The following TENM4 variants were observed in gnomAD, a reference collection of about 807,000 sequenced individuals.
TENM4 encodes the protein teneurin transmembrane protein 4.
TENM4 carries 82 observed loss-of-function variants against 243.3 expected under a neutral mutation model. The ratio of observed to expected loss-of-function variants is 0.34; its 90% CI spans 0.28 to 0.40. The LOEUF (loss-of-function observed/expected upper bound fraction) is 0.40, where lower values mean the gene tolerates loss of function less well. TENM4 is among the 10% of genes least tolerant of loss of function. TENM4 has a pLI of 1.00. For missense variants in TENM4, 3,138 were observed against 3,673.3 expected, an observed-to-expected ratio of 0.85 and a Z score of 3.77; for synonymous variants, 1,412 against 1,456.3, an observed-to-expected ratio of 0.97 and a Z score of 0.69.
rs113268490 is a variant in TENM4, at chr11:78,809,487, A to G, written c.1978+2635T>C. On this transcript the variant is annotated intron_variant, in intron 14 of 33. Coordinates refer to ENST00000278550, the MANE Select transcript of TENM4 (RefSeq NM_001098816.3). ...ATGCCACAATGATGCTCTGCCAAAG[A>G]GGTGGTAGGTAGACTCTGCCTCTGC... 1.4e-4 allele frequency among the ~76,000 whole-genome samples: 21 copies of G among 152,196 alleles called. 1 individual carries two copies. Among genetic ancestry groups the G allele is most frequent in the Admixed American group, 1.3e-3 (20 of 15,290 alleles).
chr11:78,992,395 C>T (rs569491723), intron 6 of TENM4, among the ~76,000 whole-genome samples: 4 of 152,350 alleles, frequency 2.6e-5, no homozygotes, highest in African/African-American at 7.2e-5. Context: ...CCTAGTATTG[C>T]CTTCTCTCTT....
intron 2 of TENM4, among the ~76,000 whole-genome samples, chr11:79,264,770 G>A (rs534178042): frequency 8.3e-4 from 126 of 152,282 alleles, no homozygotes; most frequent in African/African-American, 2.9e-3. Context: ...CAGAATCTCC[G>A]ACGGTGGGGT....
intron 4 of TENM4, among the ~76,000 whole-genome samples, chr11:79,125,341 G>A (rs1861852553): frequency 1.3e-5 from 2 of 152,104 alleles, no homozygotes; most frequent in Admixed American, 6.5e-5. Flanking sequence ...CCATCTCCTG[G>A]CTTCAGAAGC....
chr11:79,141,959 A>G (rs1238951089), intron 4 of TENM4, among the ~76,000 whole-genome samples: 2 of 152,088 alleles, frequency 1.3e-5, no homozygotes, highest in Non-Finnish European at 2.9e-5. Flanking sequence ...TAAAAATTCT[A>G]AAAAACTTGG....
At position 79,233,653 on chromosome 11, in the gene TENM4, G is replaced by A. The variant is rs575802933; in HGVS notation, c.-264-17744C>T. Among the ~76,000 whole-genome samples the A allele has an allele frequency of 3.5e-3, 536 of 152,246 alleles. 3 individuals are homozygous for A. Among genetic ancestry groups the A allele is most frequent in the Non-Finnish European group, 5.9e-3 (400 of 68,010 alleles). On this transcript the variant is annotated intron_variant, in intron 2 of 33. Transcript: ENST00000278550. ...TCATATTGGTGGGGCAAGGCGGGGG[G>A]CTGTGAATGGGGAGAGGAGATCGCC...
At chr11:78,923,463 T>C in intron 6 of TENM4, among the ~76,000 whole-genome samples, 1 of 152,110 alleles carries the variant, frequency 6.6e-6, no homozygotes. Context: ...AATGAGCAGG[T>C]GACCCAGTTC....
At chr11:79,061,406 T>C (rs1378528953) in intron 6 of TENM4, among the ~76,000 whole-genome samples, 2 of 152,198 alleles carry the variant, frequency 1.3e-5, no homozygotes, top group African/African-American at 4.8e-5. Flanking sequence ...CCCACCCGTC[T>C]ACCCTGAGTA....
chr11:78,839,632 A>G (rs1858205011), intron 12 of TENM4, among the ~76,000 whole-genome samples: 2 of 152,088 alleles, frequency 1.3e-5, no homozygotes, highest in African/African-American at 4.8e-5. Flanking sequence ...GTCATATCTT[A>G]TCTTGGACAA....
intron 1 of TENM4, among the ~76,000 whole-genome samples, chr11:79,299,971 G>A (rs765728938): frequency 1.3e-5 from 2 of 152,096 alleles, no homozygotes; most frequent in Non-Finnish European, 1.5e-5. Flanking sequence ...TACAAACTAC[G>A]CAGAAACAGG....
intron 6 of TENM4, among the ~76,000 whole-genome samples, chr11:79,059,736 C>T (rs1860038942): frequency 6.6e-6 from 1 of 152,154 alleles, no homozygotes; most frequent in Admixed American, 6.5e-5. Context: ...ACCCATTAAA[C>T]AATAACTCCC....
chr11:78,758,762 A>T (rs1421923061), intron 18 of TENM4, among the ~76,000 whole-genome samples: 1 of 152,142 alleles, frequency 6.6e-6, no homozygotes, highest in East Asian at 1.9e-4. Context: ...GGTGCCCAGA[A>T]GCTTATAGTC....
At chr11:79,267,233 C>G (rs551886694) in intron 2 of TENM4, among the ~76,000 whole-genome samples, 12 of 152,274 alleles carry the variant, frequency 7.9e-5, no homozygotes, top group African/African-American at 2.6e-4. Flanking sequence ...CACCAGAGTC[C>G]AGCCCATCAT....
At chr11:78,868,836 T>G (rs995381477) in intron 9 of TENM4, among the ~76,000 whole-genome samples, 1 of 152,096 alleles carries the variant, frequency 6.6e-6, no homozygotes, top group Non-Finnish European at 1.5e-5. Context: ...TTGATTCAAG[T>G]GGCATTTTTG....
At chr11:79,267,469 C>T (rs1178733999) in intron 2 of TENM4, among the ~76,000 whole-genome samples, 1 of 152,146 alleles carries the variant, frequency 6.6e-6, no homozygotes, top group Non-Finnish European at 1.5e-5. Context: ...GCTAGGTAAA[C>T]TATATAGAAT....
intron 12 of TENM4, among the ~76,000 whole-genome samples, chr11:78,830,585 TC>T (rs1376887867): frequency 6.6e-6 from 1 of 152,204 alleles, no homozygotes; most frequent in African/African-American, 2.4e-5. Flanking sequence ...CAGGTGCACA[TC>T]CCCTCCAGAG....
chr11:79,160,431 A>C (rs775264107), intron 3 of TENM4, among the ~76,000 whole-genome samples: 1 of 152,182 alleles, frequency 6.6e-6, no homozygotes, highest in African/African-American at 2.4e-5. Flanking sequence ...TATTCCTGGC[A>C]GTCAGAGCTC....
At chr11:79,337,285 G>C (rs957394545) in intron 1 of TENM4, among the ~76,000 whole-genome samples, 3 of 152,236 alleles carry the variant, frequency 2.0e-5, no homozygotes, top group Non-Finnish European at 4.4e-5. Context: ...GCAGATGTTT[G>C]ATGGCAGCTG....
chr11:78,837,480 A>T (rs1370276956), intron 12 of TENM4, among the ~76,000 whole-genome samples: 1 of 152,160 alleles, frequency 6.6e-6, no homozygotes, highest in Non-Finnish European at 1.5e-5. Context: ...TCACATCCCC[A>T]TCAGAATCTT....
chr11:78,959,514 A>G (rs985308321), intron 6 of TENM4, among the ~76,000 whole-genome samples: 4 of 152,172 alleles, frequency 2.6e-5, no homozygotes, highest in African/African-American at 9.7e-5. Flanking sequence ...GGAGAGAGGA[A>G]GGCAGTAGGC....
Sources: allele counts gnomAD v4.1 joint callset (sites outside exome capture counted in the v4.1 genomes callset), GRCh38; gene constraint gnomAD v4.1.1; transcripts MANE v1.5; gene names NCBI Gene and HGNC (gene_info 2026-07-23, HGNC 2026-07-21).